MFAP2: variants seen among roughly 807,000 people sequenced by gnomAD.
MFAP2 encodes the protein microfibrillar-associated protein 2.
MFAP2 carries 23 observed loss-of-function variants against 30.6 expected under a neutral mutation model. The observed-to-expected ratio is 0.75, with a 90% confidence interval of 0.54 to 1.07. The LOEUF (loss-of-function observed/expected upper bound fraction) is 1.07, where lower values mean the gene tolerates loss of function less well. MFAP2 is among the 50% of genes least tolerant of loss of function. MFAP2 has a pLI of 0.00. For synonymous variants in MFAP2, 73 were observed against 85.7 expected, an observed-to-expected ratio of 0.85 and a Z score of 0.82; for missense variants, 198 against 223.8, an observed-to-expected ratio of 0.88 and a Z score of 0.74.
intron 2 of MFAP2, 78 bp from the exon 3 acceptor site, chr1:16,977,276 C>T (rs112239991): frequency 1.7e-5 from 24 of 1,431,328 alleles, no homozygotes; most frequent in Middle Eastern, 2.1e-4. Context: ...AGAGTGGAGG[C>T]GGGGGTCACA....
chr1:16,975,356 G>A lies in MFAP2; in HGVS notation c.375-14C>T. On this transcript the variant is annotated splice_polypyrimidine_tract_variant and intron_variant, in intron 7 of 8. Transcript: ENST00000375535. This position sits in a 1 kb window ranked among gnomAD's most constrained non-coding sequence, Gnocchi z 5.0. ...ACACGGCGGAGGCTGCGGGGACAGG[G>A]CACGGGAGGTCTCAGCCCCACTTCC... 4 of 1,612,654 alleles carry A rather than the reference G, an allele frequency of 2.5e-6. No individual in the cohort carries two copies. Among genetic ancestry groups the A allele is most frequent in the Middle Eastern group, 1.7e-4 (1 of 6,012 alleles).
chr1:16,978,131 G>T, intron 2 of MFAP2, 106 bp downstream of exon 2: 3 of 1,296,126 alleles, frequency 2.3e-6, no homozygotes, highest in South Asian at 1.4e-5. Flanking sequence ...GGGGAGCTGA[G>T]TTCTGGTCAT....
intron 1 of MFAP2, among the ~76,000 whole-genome samples, chr1:16,980,278 C>A (rs868631546): frequency 3.7e-5 from 5 of 136,602 alleles, no homozygotes; most frequent in Non-Finnish European, 1.6e-5. Context: ...CCCCCCCCCC[C>A]CACCCCACCC....
At chr1:16,977,937 A>G (rs2100585831) in intron 2 of MFAP2, 1 of 355,034 alleles carries the variant, frequency 2.8e-6, no homozygotes, top group Admixed American at 4.3e-5. Flanking sequence ...GCACCTGCAC[A>G]TCGGCTCCCA....
At position 16,975,557 on chromosome 1, in the gene MFAP2, C is replaced by T. The variant is rs1025157834; in HGVS notation, c.374+86G>A. 6 of 1,428,738 alleles carry T rather than the reference C, an allele frequency of 4.2e-6. No homozygotes were observed. The highest frequency in any genetic ancestry group is 1.9e-5 in the Admixed American group (1 of 53,822). 88.5% of individuals were successfully genotyped at this position (1,428,738 alleles called of 1,614,324 possible). A position where few individuals can be genotyped will look rare whatever the true frequency, so the allele number is the denominator to read the frequency against. ...GGACTCACTATCTTTCCTCCAACTC[C>T]CACCTTGGCGGGCCAGAGCTGTCCC... On this transcript the variant is annotated intron_variant, in intron 7 of 8. Transcript: ENST00000375535. This position sits in a 1 kb window ranked among gnomAD's most constrained non-coding sequence, Gnocchi z 5.0.
rs966285097 is a variant in MFAP2, at chr1:16,976,686, G to A, written c.241+22C>T. The stretch of plus-strand genomic sequence containing the variant: ...GGGTGAGGCAGGAGCTGAGACGGGT[G>A]GGAGCAGGGTCTGGGGCCTACCTGG... On this transcript the variant is annotated intron_variant, in intron 5 of 8. Transcript: ENST00000375535. This position sits in a 1 kb window ranked among gnomAD's most constrained non-coding sequence, Gnocchi z 5.5. 2.5e-6 allele frequency: 4 copies of A among 1,612,854 alleles called. No homozygotes were observed. The highest frequency in any genetic ancestry group is 1.7e-5 in the Admixed American group (1 of 59,944).
At chr1:16,979,494 C>T (rs557615110) in intron 1 of MFAP2, among the ~76,000 whole-genome samples, 2 of 152,330 alleles carry the variant, frequency 1.3e-5, no homozygotes, top group South Asian at 4.1e-4. Flanking sequence ...CCCCCTGGCT[C>T]CTCTCATGCA....
intron 1 of MFAP2, among the ~76,000 whole-genome samples, chr1:16,980,284 C>T (rs1457875294): frequency 1.4e-5 from 2 of 140,988 alleles, no homozygotes; most frequent in Non-Finnish European, 3.1e-5. Context: ...CCCCCCACCC[C>T]ACCCGCCACA....
chr1:16,976,647 G>A lies in MFAP2; in HGVS notation c.241+61C>T. 1 of 1,610,052 alleles carries A rather than the reference G, an allele frequency of 6.2e-7. No homozygotes were observed. The highest frequency in any genetic ancestry group is 8.5e-7 in the Non-Finnish European group (1 of 1,176,920). On this transcript the variant is annotated intron_variant, in intron 5 of 8. Coordinates refer to ENST00000375535, the MANE Select transcript of MFAP2 (RefSeq NM_002403.4). The surrounding 1 kb of genome is among the most constrained non-coding windows in gnomAD (Gnocchi z 5.5). Reference sequence around the variant, plus strand: ...CTGGCAGACCCCCACTCCCAGGGTTGACAGGGTGGGGAGGGGTGAGGCAGG... The same window carrying A: ...CTGGCAGACCCCCACTCCCAGGGTTAACAGGGTGGGGAGGGGTGAGGCAGG...
At chr1:16,977,254 AG>A in intron 2 of MFAP2, 56 bp from the exon 3 acceptor site, 1 of 1,570,248 alleles carries the variant, frequency 6.4e-7, no homozygotes, top group Middle Eastern at 1.8e-4. Flanking sequence ...CGGGGGCCCG[AG>A]GCGCTTCTGG....
chr1:16,978,463 C>G (rs2076611553), intron 1 of MFAP2, 149 bp from the exon 2 acceptor site: 2 of 670,910 alleles, frequency 3.0e-6, no homozygotes, highest in Non-Finnish European at 5.1e-6. Flanking sequence ...CATCCCAGTC[C>G]CTGCTGGCCC....
intron 1 of MFAP2, among the ~76,000 whole-genome samples, chr1:16,980,204 T>A (rs111384013): frequency 0.042 from 6,379 of 150,372 alleles, 178 homozygotes; most frequent in African/African-American, 0.074. Flanking sequence ...CCGCGCGCCC[T>A]CGCGCTCCCG....
At position 16,976,060 on chromosome 1, in the gene MFAP2, CA is replaced by C; in HGVS notation, c.287-331del. On this transcript the variant is annotated intron_variant, in intron 6 of 8. Coordinates refer to ENST00000375535, the MANE Select transcript of MFAP2 (RefSeq NM_002403.4). This position sits in a 1 kb window ranked among gnomAD's most constrained non-coding sequence, Gnocchi z 5.5. Reference sequence around the variant, plus strand: ...GAAGCCCACATAGGAGCGCTCACACCAACCCACACGAGAGTGAGCACACGGA... The same window carrying C: ...GAAGCCCACATAGGAGCGCTCACACCACCCACACGAGAGTGAGCACACGGA... 2.1e-6 allele frequency: 1 copy of C among 469,272 alleles called. No homozygotes were observed. 29.1% of individuals were successfully genotyped at this position (469,272 alleles called of 1,614,324 possible).
In MFAP2 at chr1:16,974,940, TG is replaced by T; in HGVS notation, c.531del (p.Arg178GlyfsTer13). On this transcript the variant is annotated frameshift_variant, in exon 9 of 9. Transcript: ENST00000375535. LOFTEE classifies it high-confidence loss of function. ...CCACCCTAGCAGCTCCCACAGCTCC[TG>T]GCACAGGAGGCCGCCACGGATTGGC... ...GLCQSVAASC[A>X]RSCGSC The T allele has an allele frequency of 1.1e-6, 1 of 923,390 alleles. No individual in the cohort carries two copies. The highest frequency in any genetic ancestry group is 1.7e-6 in the Non-Finnish European group (1 of 592,082). 57.2% of individuals were successfully genotyped at this position (923,390 alleles called of 1,614,324 possible). A position where few individuals can be genotyped will look rare whatever the true frequency, so the allele number is the denominator to read the frequency against.
Position 16,975,154 on chromosome 1 carries a change from G to A in MFAP2, c.448+115C>T. 7.8e-7 allele frequency: 1 copy of A among 1,280,584 alleles called. No individual in the cohort carries two copies. Among genetic ancestry groups the A allele is most frequent in the Non-Finnish European group, 1.1e-6 (1 of 899,962 alleles). 79.3% of individuals were successfully genotyped at this position (1,280,584 alleles called of 1,614,324 possible). The stretch of plus-strand genomic sequence containing the variant: ...CAAGGAGGGGAGCTCAGGGTGTCCT[G>A]GAAGTGGGCCTGGTGGATAATATGT... On this transcript the variant is annotated intron_variant, in intron 8 of 8. Coordinates refer to ENST00000375535, the MANE Select transcript of MFAP2 (RefSeq NM_002403.4). This position sits in a 1 kb window ranked among gnomAD's most constrained non-coding sequence, Gnocchi z 5.0.
chr1:16,975,225 C>T lies in MFAP2; in HGVS notation c.448+44G>A, dbSNP rs779967617. On this transcript the variant is annotated intron_variant, in intron 8 of 8. Coordinates refer to ENST00000375535, the MANE Select transcript of MFAP2 (RefSeq NM_002403.4). The surrounding 1 kb of genome is among the most constrained non-coding windows in gnomAD (Gnocchi z 5.0). Reference sequence around the variant, plus strand: ...GTGGCTAGGTGGCCAGATAATGATGCGGGTGTGGGGACAGGGGAGGTCTTG... The same window carrying T: ...GTGGCTAGGTGGCCAGATAATGATGTGGGTGTGGGGACAGGGGAGGTCTTG... 9.6e-6 allele frequency: 15 copies of T among 1,559,818 alleles called. No homozygotes were observed. Among genetic ancestry groups the T allele is most frequent in the South Asian group, 9.1e-5 (8 of 88,092 alleles).
At chr1:16,977,950 G>A (rs940647715) in intron 2 of MFAP2, 5 of 377,784 alleles carry the variant, frequency 1.3e-5, no homozygotes, top group South Asian at 3.5e-5. Context: ...GGCTCCCAGA[G>A]AGGCCTTGTG....
rs912603620 is a variant in MFAP2, at chr1:16,974,762, G to A, written c.*158C>T. ...CAGAGGTGGCCACAGGCTGAAGGAG[G>A]GGCCTGAGGCACCGCAGCCTGCAAC... On this transcript the variant is annotated 3_prime_UTR_variant, in exon 9 of 9. Coordinates refer to ENST00000375535, the MANE Select transcript of MFAP2 (RefSeq NM_002403.4). The A allele has an allele frequency of 8.4e-6, 3 of 355,784 alleles. No homozygotes were observed. Among genetic ancestry groups the A allele is most frequent in the Admixed American group, 6.1e-5 (1 of 16,364 alleles). The allele number at this position is 355,784 out of a possible 1,614,324, so 22.0% of individuals were successfully genotyped here. A position where few individuals can be genotyped will look rare whatever the true frequency, so the allele number is the denominator to read the frequency against.
Position 16,977,203 on chromosome 1 carries a change from G to A in MFAP2, c.38-5C>T. 1 of 1,613,096 alleles carries A rather than the reference G, an allele frequency of 6.2e-7. No homozygotes were observed. Among genetic ancestry groups the A allele is most frequent in the Non-Finnish European group, 8.5e-7 (1 of 1,179,746 alleles). ...GGCCCTGAGCCAGCAAGCCTGCTGT[G>A]GGGAGGCAAAGCATGTAGGGTACCC... On this transcript the variant is annotated splice_polypyrimidine_tract_variant and splice_region_variant and intron_variant, in intron 2 of 8. Coordinates refer to ENST00000375535, the MANE Select transcript of MFAP2 (RefSeq NM_002403.4).
Sources: allele counts gnomAD v4.1 joint callset (sites outside exome capture counted in the v4.1 genomes callset), GRCh38; gene constraint gnomAD v4.1.1; non-coding constraint Gnocchi (gnomAD v3.1); transcripts MANE v1.5; gene names NCBI Gene and HGNC (gene_info 2026-07-23, HGNC 2026-07-21).